The following IDE variants were observed in gnomAD, a reference collection of about 807,000 sequenced individuals.
The protein encoded by IDE is insulin degrading enzyme.
A neutral mutation model predicts 133.2 loss-of-function variants in IDE; 58 were observed. That is an observed-to-expected ratio of 0.44 (90% CI 0.35 to 0.54). The LOEUF (loss-of-function observed/expected upper bound fraction) is 0.54. Among genes scored for constraint, IDE ranks in the 20% least tolerant of loss-of-function variants. The probability of loss-of-function intolerance (pLI) is 0.00; values close to 1 mark genes in which losing one functional copy is unlikely to be tolerated. For synonymous variants in IDE, 396 were observed against 421.3 expected (o/e 0.94, Z 0.73); for missense variants, 981 against 1,234.0 (o/e 0.79, Z 3.07).
chr10:92,548,594 T>C (rs1750505210), intron 1 of IDE, among the ~76,000 whole-genome samples: 1 of 152,106 alleles, frequency 6.6e-6, no homozygotes, highest in South Asian at 2.1e-4. Flanking sequence ...TCGCAGTGGC[T>C]AAGGTGCAAA....
intron 4 of IDE, among the ~76,000 whole-genome samples, chr10:92,518,265 A>C (rs943270565): frequency 1.3e-5 from 2 of 152,094 alleles, no homozygotes; most frequent in Non-Finnish European, 2.9e-5. Context: ...CCAAGATTCA[A>C]TTGATTCTCC....
At chr10:92,548,373 A>T (rs1842625501) in intron 1 of IDE, among the ~76,000 whole-genome samples, 1 of 150,324 alleles carries the variant, frequency 6.7e-6, no homozygotes, top group African/African-American at 2.4e-5. Flanking sequence ...AAAAAAAAAA[A>T]AAAAAAAAAA....
intron 4 of IDE, among the ~76,000 whole-genome samples, chr10:92,528,740 CA>C (rs1849759991): frequency 6.6e-6 from 1 of 152,050 alleles, no homozygotes; most frequent in Admixed American, 6.6e-5. Flanking sequence ...TTTATTCATT[CA>C]AAAATACACA....
At chr10:92,478,004 CTT>C (rs768960437) in intron 15 of IDE, among the ~76,000 whole-genome samples, 46 of 152,200 alleles carry the variant, frequency 3.0e-4, no homozygotes, top group African/African-American at 5.1e-4. Flanking sequence ...CCAAAATGCT[CTT>C]GTTTTCATTT....
chr10:92,487,477 G>T (rs1406875573), intron 12 of IDE, among the ~76,000 whole-genome samples, 159 bp from the exon 13 acceptor site: 1 of 152,132 alleles, frequency 6.6e-6, no homozygotes, highest in African/African-American at 2.4e-5. Context: ...CTATCGATGG[G>T]TTTTCCTGAA....
chr10:92,474,122 G>T (rs113507564), intron 17 of IDE, among the ~76,000 whole-genome samples: 151 of 152,264 alleles, frequency 9.9e-4, no homozygotes, highest in African/African-American at 3.1e-3. Flanking sequence ...GGAGCACAGT[G>T]GCGTAATCAT....
chr10:92,574,034 G>A lies in IDE; in HGVS notation c.-15C>T. 1.3e-6 allele frequency: 2 copies of A among 1,505,874 alleles called. No homozygotes were observed. Among genetic ancestry groups the A allele is most frequent in the East Asian group, 5.5e-5 (2 of 36,482 alleles). 93.3% of individuals were successfully genotyped at this position (1,505,874 alleles called of 1,614,324 possible). A position where few individuals can be genotyped will look rare whatever the true frequency, so the allele number is the denominator to read the frequency against. ...CGGTACCGCATTAGCCAGCGCAGTC[G>A]CCGGGATCACCGCAAACGCTTCCTG... On this transcript the variant is annotated 5_prime_UTR_variant, in exon 1 of 25. Coordinates refer to ENST00000265986, the MANE Select transcript of IDE (RefSeq NM_004969.4).
intron 1 of IDE, among the ~76,000 whole-genome samples, chr10:92,542,295 T>C (rs1426846604): frequency 2.0e-5 from 3 of 152,116 alleles, no homozygotes; most frequent in African/African-American, 7.2e-5. Flanking sequence ...GCTGGGACTA[T>C]AGGCACTCAC....
chr10:92,496,941 G>A (rs924238261), intron 11 of IDE, among the ~76,000 whole-genome samples: 1 of 152,214 alleles, frequency 6.6e-6, no homozygotes, highest in African/African-American at 2.4e-5. Flanking sequence ...AACTGGAGAT[G>A]GAGATGGGCA....
intron 4 of IDE, among the ~76,000 whole-genome samples, chr10:92,518,233 C>T (rs1237892005): frequency 6.6e-6 from 1 of 152,212 alleles, no homozygotes; most frequent in South Asian, 2.1e-4. Flanking sequence ...ACTGCCATCT[C>T]GGCTCACTGC....
chr10:92,486,307 G>T (rs910746829), intron 13 of IDE, among the ~76,000 whole-genome samples: 3 of 151,382 alleles, frequency 2.0e-5, no homozygotes, highest in Admixed American at 6.6e-5. Context: ...CCGAGATCAT[G>T]CCATTATACT....
intron 1 of IDE, among the ~76,000 whole-genome samples, chr10:92,571,749 C>G (rs1433563617): frequency 1.3e-5 from 2 of 152,360 alleles, no homozygotes; most frequent in East Asian, 3.9e-4. Context: ...AGAGGCAGTA[C>G]TTGTGTTTGC....
intron 10 of IDE, among the ~76,000 whole-genome samples, chr10:92,505,363 A>G (rs1017235297): frequency 6.6e-6 from 1 of 152,222 alleles, no homozygotes; most frequent in Non-Finnish European, 1.5e-5. Context: ...AAAATGGCTT[A>G]TATTTTTGGC....
At chr10:92,469,406 C>G (rs1564599006) in intron 18 of IDE, among the ~76,000 whole-genome samples, 1 of 151,786 alleles carries the variant, frequency 6.6e-6, no homozygotes, top group Non-Finnish European at 1.5e-5. Context: ...GGGGGTATAG[C>G]AGAGTGGTAG....
chr10:92,493,393 CTT>C (rs746219687), intron 11 of IDE, among the ~76,000 whole-genome samples: 54 of 137,400 alleles, frequency 3.9e-4, no homozygotes, highest in Admixed American at 5.2e-4. Flanking sequence ...CGCTTGATTT[CTT>C]TTTTTTTTTT....
At chr10:92,524,455 T>TATATTATATATA (rs71028825) in intron 4 of IDE, among the ~76,000 whole-genome samples, 1 of 5,826 alleles carries the variant, frequency 1.7e-4, no homozygotes, top group African/African-American at 4.9e-4. Context: ...TTTTATATAT[T>TATATTATATATA]ATATATTTTA....
At chr10:92,523,983 C>A (rs975728784) in intron 4 of IDE, among the ~76,000 whole-genome samples, 8 of 151,880 alleles carry the variant, frequency 5.3e-5, no homozygotes, top group African/African-American at 1.9e-4. Context: ...AAACATTCAA[C>A]TGCTCCTACT....
Position 92,546,822 on chromosome 10 carries a change from C to T in IDE, c.99-9272G>A, listed in dbSNP as rs1483935732. 3.3e-5 allele frequency among the ~76,000 whole-genome samples: 5 copies of T among 152,200 alleles called. No individual in the cohort carries two copies. In the East Asian group the frequency reaches 9.6e-4, roughly 29 times the overall value. On this transcript the variant is annotated intron_variant, in intron 1 of 24. Coordinates refer to ENST00000265986, the MANE Select transcript of IDE (RefSeq NM_004969.4). ...ACTTGACACTTCCAGTAACTAATAG[C>T]TAAGTATAACATAGATAAAAGCAAA...
At chr10:92,558,577 T>A (rs759359001) in intron 1 of IDE, among the ~76,000 whole-genome samples, 6 of 152,106 alleles carry the variant, frequency 3.9e-5, no homozygotes, top group Non-Finnish European at 7.4e-5. Context: ...AAGGGACTTG[T>A]ATAGAGAATA....
Sources: gnomAD v4.1 joint callset for allele counts (sites outside exome capture counted in the v4.1 genomes callset) on GRCh38, gnomAD v4.1.1 for gene constraint, MANE v1.5 for transcripts, NCBI Gene and HGNC (gene_info 2026-07-23, HGNC 2026-07-21) for gene names.